Variants in DISC1 observed in about 807,000 individuals in gnomAD.
DISC1 encodes the protein DISC1 scaffold protein.
In DISC1, 57 loss-of-function variants were observed where a neutral mutation model predicts 84.5. The observed-to-expected ratio is 0.67, with a 90% CI of 0.55 to 0.84. The LOEUF is 0.84. DISC1 is among the 40% of genes least tolerant of loss of function. The pLI is 0.00. For synonymous variants in DISC1, 411 were observed against 415.2 expected (o/e 0.99, Z 0.12); for missense variants, 1,000 against 1,057.8 (o/e 0.95, Z 0.76).
intron 9 of DISC1, among the ~76,000 whole-genome samples, chr1:231,947,628 GCTT>G (rs1429444956): frequency 6.6e-6 from 1 of 152,196 alleles, no homozygotes; most frequent in Non-Finnish European, 1.5e-5. Context: ...AAACTAAAGA[GCTT>G]CTGCACAGCA....
intron 3 of DISC1, among the ~76,000 whole-genome samples, chr1:231,707,377 G>A (rs1018573253): frequency 6.6e-6 from 1 of 152,128 alleles, no homozygotes; most frequent in African/African-American, 2.4e-5. Flanking sequence ...CCAGGACTTT[G>A]GAGTGTTCTT....
chr1:231,872,801 A>G (rs6668845), intron 9 of DISC1, among the ~76,000 whole-genome samples: 19,228 of 152,274 alleles, frequency 0.13, 1,357 homozygotes, highest in East Asian at 0.32. Context: ...TTTTCCATAC[A>G]TGATCTATTG....
At chr1:232,015,025 ACCCTGCCCCTGGCCTGG>A (rs965526435) in intron 11 of DISC1, among the ~76,000 whole-genome samples, 1 of 152,208 alleles carries the variant, frequency 6.6e-6, no homozygotes, top group Non-Finnish European at 1.5e-5. Flanking sequence ...GCTTACCAGG[ACCCTGCCCCTGGCCTGG>A]CCCTGGCCAC....
chr1:231,709,864 G>A (rs1402440576), intron 3 of DISC1, among the ~76,000 whole-genome samples: 1 of 152,188 alleles, frequency 6.6e-6, no homozygotes, highest in African/African-American at 2.4e-5. Flanking sequence ...GAGTCCGGTT[G>A]ATGAAGCAGA....
chr1:232,018,126 T>G (rs1668647968), intron 11 of DISC1, among the ~76,000 whole-genome samples: 2 of 152,202 alleles, frequency 1.3e-5, no homozygotes, highest in African/African-American at 2.4e-5. Flanking sequence ...CTTAAACAGT[T>G]TCCTTTTCCA....
At chr1:232,036,573 A>T in intron 12 of DISC1, 119 bp from the exon 13 acceptor site, 2 of 930,648 alleles carry the variant, frequency 2.1e-6, no homozygotes, top group Non-Finnish European at 2.9e-6. Context: ...AAAGAACTTT[A>T]AACTGCAATT....
chr1:231,792,512 T>A (rs2078424408), intron 6 of DISC1, among the ~76,000 whole-genome samples: 1 of 152,244 alleles, frequency 6.6e-6, no homozygotes, highest in South Asian at 2.1e-4. Flanking sequence ...TAATATACTA[T>A]TAAATGCTCA....
intron 1 of DISC1, chr1:231,629,515 T>G (rs1228906327): frequency 6.5e-6 from 1 of 152,702 alleles, no homozygotes; most frequent in African/African-American, 2.4e-5. Context: ...TCTTATTGGT[T>G]TTTGTTTTTC....
At position 231,938,834 on chromosome 1, in the gene DISC1, G is replaced by A. The variant is rs904223862; in HGVS notation, c.1982-19994G>A. Among the ~76,000 whole-genome samples the A allele has an allele frequency of 7.9e-5, 12 of 152,248 alleles. No individual in the cohort carries two copies. In the East Asian group the frequency reaches 2.3e-3, roughly 29 times the overall value. On this transcript the variant is annotated intron_variant, in intron 9 of 12. Coordinates refer to ENST00000439617, the MANE Select transcript of DISC1 (RefSeq NM_018662.3). ...TCCCAAAGCCTCACGACTTTCTTCTGTTAGGCAACTCTGCTTGGCTGTGTT... is the reference window on the plus strand; with the variant it reads ...TCCCAAAGCCTCACGACTTTCTTCTATTAGGCAACTCTGCTTGGCTGTGTT...
At chr1:231,628,100 A>C (rs199526386) in intron 1 of DISC1, among the ~76,000 whole-genome samples, 2 of 152,236 alleles carry the variant, frequency 1.3e-5, no homozygotes, top group Non-Finnish European at 2.9e-5. Flanking sequence ...AATTGGGAGT[A>C]ATGTGAGAAT....
In DISC1 at chr1:231,908,436, G is replaced by T. The variant is rs183497478; in HGVS notation, c.1982-50392G>T. Reference sequence around the variant, plus strand: ...AGCACCATTTATTAAATAGGGAATCGTTTCCCCATTTCTTGTTTTTGTCAG... The same window carrying T: ...AGCACCATTTATTAAATAGGGAATCTTTTCCCCATTTCTTGTTTTTGTCAG... On this transcript the variant is annotated intron_variant, in intron 9 of 12. Coordinates refer to ENST00000439617, the MANE Select transcript of DISC1 (RefSeq NM_018662.3). 1.4e-3 allele frequency among the ~76,000 whole-genome samples: 214 copies of T among 152,140 alleles called. 1 individual carries two copies. The highest frequency in any genetic ancestry group is 4.9e-3 in the African/African-American group (204 of 41,514).
chr1:231,929,558 A>C (rs1173135596), intron 9 of DISC1, among the ~76,000 whole-genome samples: 1 of 152,180 alleles, frequency 6.6e-6, no homozygotes, highest in Admixed American at 6.5e-5. Context: ...CGCAGCTTCA[A>C]GCACAGACAA....
At chr1:231,940,935 G>GTT (rs1167193543) in intron 9 of DISC1, 1 of 152,234 alleles carries the variant, frequency 6.6e-6, no homozygotes, top group Non-Finnish European at 1.5e-5. Flanking sequence ...CAGCTGACAT[G>GTT]TTCCTCCGGC....
chr1:231,650,274 T>C (rs556113142), intron 1 of DISC1, among the ~76,000 whole-genome samples: 1 of 152,366 alleles, frequency 6.6e-6, no homozygotes, highest in African/African-American at 2.4e-5. Context: ...ACAAAATCTC[T>C]GAGCATTTGC....
intron 9 of DISC1, among the ~76,000 whole-genome samples, chr1:231,898,292 G>A (rs929042790): frequency 4.6e-5 from 7 of 152,184 alleles, no homozygotes; most frequent in Admixed American, 2.6e-4. Flanking sequence ...ATTCTAGGAA[G>A]AATGCATATT....
At chr1:231,865,345 G>T (rs146592648) in intron 9 of DISC1, among the ~76,000 whole-genome samples, 1 of 152,320 alleles carries the variant, frequency 6.6e-6, no homozygotes, top group East Asian at 1.9e-4. Context: ...AATACATTGG[G>T]CAGTGATTGT....
intron 1 of DISC1, among the ~76,000 whole-genome samples, chr1:231,673,266 G>A (rs1328466817): frequency 6.6e-6 from 1 of 152,174 alleles, no homozygotes; most frequent in Non-Finnish European, 1.5e-5. Flanking sequence ...GTCCCCTGGA[G>A]GTGGGAAAAT....
chr1:231,747,614 G>A (rs1049760658), intron 3 of DISC1, among the ~76,000 whole-genome samples: 2 of 152,084 alleles, frequency 1.3e-5, no homozygotes, highest in South Asian at 4.1e-4. Context: ...CTGTTCCATC[G>A]GTCCGTGTAT....
intron 9 of DISC1, among the ~76,000 whole-genome samples, chr1:231,955,507 A>C (rs1329009130): frequency 7.7e-6 from 1 of 130,516 alleles, no homozygotes; most frequent in Non-Finnish European, 1.7e-5. Flanking sequence ...TTTTTTTTGG[A>C]AACAGAGTTT....
Sources: allele counts gnomAD v4.1 joint callset (sites outside exome capture counted in the v4.1 genomes callset), GRCh38; gene constraint gnomAD v4.1.1; transcripts MANE v1.5; gene names NCBI Gene and HGNC (gene_info 2026-07-23, HGNC 2026-07-21).